SBNO1: variants seen among roughly 807,000 people sequenced by gnomAD.
SBNO1 encodes strawberry notch homolog 1.
In SBNO1, 23 loss-of-function variants were observed where a neutral mutation model predicts 173.6. That is an observed-to-expected ratio of 0.13 (90% CI 0.10 to 0.19). SBNO1 has a LOEUF of 0.19. Among genes scored for constraint, SBNO1 ranks in the 10% least tolerant of loss-of-function variants. The probability of loss-of-function intolerance (pLI) is 1.00; values close to 1 mark genes in which losing one functional copy is unlikely to be tolerated. For missense variants in SBNO1, 1,238 were observed against 1,671.2 expected, an observed-to-expected ratio of 0.74 and a Z score of 4.52; for synonymous variants, 632 against 571.5, an observed-to-expected ratio of 1.11 and a Z score of -1.51.
intron 1 of SBNO1, among the ~76,000 whole-genome samples, chr12:123,362,481 G>C (rs1293079379): frequency 6.8e-6 from 1 of 146,256 alleles, no homozygotes; most frequent in Non-Finnish European, 1.5e-5. Flanking sequence ...ATTCTGACGG[G>C]GGGGCCAAGG....
chr12:123,293,692 C>A lies in SBNO1; in HGVS notation c.*2216G>T, dbSNP rs2048543667. ...ATCAAGATGGCTAGTCCAGAGCAAA[C>A]ATTACATCATAGGCCATGGGGGTTG... On this transcript the variant is annotated 3_prime_UTR_variant, in exon 32 of 32. Transcript: ENST00000602398. 1 of 152,178 alleles carries A rather than the reference C, an allele frequency of 6.6e-6. No homozygotes were observed. Among genetic ancestry groups the A allele is most frequent in the Admixed American group, 6.5e-5 (1 of 15,278 alleles). The allele number at this position is 152,178 out of a possible 1,614,324, so 9.4% of individuals were successfully genotyped here.
chr12:123,350,517 A>G, intron 1 of SBNO1, 76 bp from the exon 2 acceptor site: 1 of 1,143,312 alleles, frequency 8.7e-7, no homozygotes, highest in East Asian at 2.3e-5. Context: ...AATATAAACA[A>G]TCCAACAATC....
In SBNO1 at chr12:123,311,222, G is replaced by A. The variant is rs1010398920; in HGVS notation, c.3221-93C>T. 6.6e-6 allele frequency: 6 copies of A among 903,542 alleles called. No individual in the cohort carries two copies. In the Admixed American group the frequency reaches 8.2e-5, roughly 12 times the overall value. The allele number at this position is 903,542 out of a possible 1,614,324, so 56.0% of individuals were successfully genotyped here. On this transcript the variant is annotated intron_variant, in intron 24 of 31. Transcript: ENST00000602398. ...AAAAGTATGTTGTAAGTAGTATCAT[G>A]CCATTTTAAAAAAACACCTTGATAT... is the stretch of plus-strand genomic sequence containing the variant.
chr12:123,336,618 T>C (rs578180534), intron 5 of SBNO1, 127 bp from the exon 6 acceptor site: 1 of 620,656 alleles, frequency 1.6e-6, no homozygotes, highest in African/African-American at 1.9e-5. Context: ...GCCACCTCAA[T>C]ACTCCCTAAA....
At chr12:123,352,791 C>CA (rs1432420538) in intron 1 of SBNO1, among the ~76,000 whole-genome samples, 1 of 152,018 alleles carries the variant, frequency 6.6e-6, no homozygotes, top group Admixed American at 6.6e-5. Flanking sequence ...GGAGGAAAAA[C>CA]AGACACCCCA....
chr12:123,364,148 A>G (rs1447584045), intron 1 of SBNO1: 34 of 985,282 alleles, frequency 3.5e-5, no homozygotes, highest in Non-Finnish European at 4.1e-5. Flanking sequence ...CGGCTTCCCC[A>G]CCGCCCCAAG....
chr12:123,311,745 T>C (rs913923640), intron 24 of SBNO1, among the ~76,000 whole-genome samples: 2 of 142,796 alleles, frequency 1.4e-5, no homozygotes, highest in African/African-American at 5.1e-5. Flanking sequence ...TATATATATA[T>C]ATATTTTTGC....
chr12:123,329,031 G>C (rs1266148754), intron 9 of SBNO1, 136 bp from the exon 10 acceptor site: 1 of 532,950 alleles, frequency 1.9e-6, no homozygotes, highest in Non-Finnish European at 3.2e-6. Flanking sequence ...GTACAGAGAC[G>C]CAAATTTATT....
chr12:123,344,212 T>C (rs1872857831), intron 4 of SBNO1, among the ~76,000 whole-genome samples: 1 of 152,308 alleles, frequency 6.6e-6, no homozygotes, highest in East Asian at 1.9e-4. Flanking sequence ...TTGCGAGTGA[T>C]TCCAGAAACT....
At position 123,345,124 on chromosome 12, in the gene SBNO1, T is replaced by C. The variant is rs1872972703; in HGVS notation, c.550+134A>G. On this transcript the variant is annotated intron_variant, in intron 4 of 31. Transcript: ENST00000602398. ...GCTTCCCTTGAATTGTGTTAAAGACTGTAAGTACGCAAAATAATGCATATA... is the reference window on the plus strand; with the variant it reads ...GCTTCCCTTGAATTGTGTTAAAGACCGTAAGTACGCAAAATAATGCATATA... The C allele has an allele frequency of 4.1e-6, 3 of 727,740 alleles. No homozygotes were observed. The African/African-American group carries it at 5.3e-5, about 13-fold the overall frequency. 45.1% of individuals were successfully genotyped at this position (727,740 alleles called of 1,614,324 possible). A position where few individuals can be genotyped will look rare whatever the true frequency, so the allele number is the denominator to read the frequency against.
chr12:123,344,047 G>A (rs562767019), intron 4 of SBNO1, among the ~76,000 whole-genome samples: 1 of 152,094 alleles, frequency 6.6e-6, no homozygotes, highest in Admixed American at 6.6e-5. Flanking sequence ...CCCTCACAAT[G>A]GCATACATCC....
chr12:123,351,422 G>C (rs1873867125), intron 1 of SBNO1, among the ~76,000 whole-genome samples: 2 of 152,150 alleles, frequency 1.3e-5, no homozygotes, highest in African/African-American at 2.4e-5. Context: ...GTTAGCTTGA[G>C]GCCAGCAGTT....
chr12:123,348,165 A>G, intron 2 of SBNO1, 32 bp from the exon 3 acceptor site: 1 of 1,003,264 alleles, frequency 1.0e-6, no homozygotes, highest in Non-Finnish European at 1.4e-6. Flanking sequence ...ACAAAAAATA[A>G]AAGGACAGCA....
At position 123,325,534 on chromosome 12, in the gene SBNO1, C is replaced by T. The variant is rs1477049999; in HGVS notation, c.1941G>A (p.Gly647=). ...TTGAAACAAAATCATTCAATTCTCC[C>T]CCGCCCTCTTCCAAAGCTTCTAATG... ...ARTLEALEEG[G]GELNDFVSTA... The change falls in exon 15 of 32, where the codon GGG becomes GGA. Residue 647 remains glycine (G), a synonymous_variant. Transcript: ENST00000602398. 1.2e-6 allele frequency: 2 copies of T among 1,613,140 alleles called. No individual in the cohort carries two copies. Among genetic ancestry groups the T allele is most frequent in the Non-Finnish European group, 1.7e-6 (2 of 1,179,372 alleles).
At chr12:123,302,598 A>T (rs1297395586) in intron 30 of SBNO1, among the ~76,000 whole-genome samples, 1 of 152,196 alleles carries the variant, frequency 6.6e-6, no homozygotes, top group Non-Finnish European at 1.5e-5. Flanking sequence ...GCTGCCAGAC[A>T]ACAGTTGGCT....
At position 123,290,617 on chromosome 12, in the gene SBNO1, C is replaced by A. The variant is rs965898972; in HGVS notation, c.*5291G>T. ...GAGAGCACAGCCGTTCAGGGTACCC[C>A]AGGGACCAGTGCTGCAATGGGAATC... On this transcript the variant is annotated 3_prime_UTR_variant, in exon 32 of 32. Coordinates refer to ENST00000602398, the MANE Select transcript of SBNO1 (RefSeq NM_001167856.3). 6.6e-6 allele frequency: 1 copy of A among 152,238 alleles called. No homozygotes were observed. The highest frequency in any genetic ancestry group is 1.5e-5 in the Non-Finnish European group (1 of 68,080). 9.4% of individuals were successfully genotyped at this position (152,238 alleles called of 1,614,324 possible).
At chr12:123,310,322 C>A (rs4759419) in intron 25 of SBNO1, among the ~76,000 whole-genome samples, 7,109 of 152,190 alleles carry the variant, frequency 0.047, 297 homozygotes, top group East Asian at 0.25. Flanking sequence ...CAACCTCCCC[C>A]TGCCAGATTC....
At chr12:123,317,450 TCC>T in intron 20 of SBNO1, 94 bp from the exon 21 acceptor site, 1 of 1,059,836 alleles carries the variant, frequency 9.4e-7, no homozygotes, top group South Asian at 1.4e-5. Flanking sequence ...GCCTATTCTC[TCC>T]TTCTTTCTCA....
At chr12:123,317,968 T>C (rs971094074) in intron 20 of SBNO1, among the ~76,000 whole-genome samples, 3 of 152,172 alleles carry the variant, frequency 2.0e-5, no homozygotes, top group African/African-American at 7.2e-5. Flanking sequence ...TTTTTGTATA[T>C]ATATATTTTT....
Sources: gnomAD v4.1 joint callset for allele counts (sites outside exome capture counted in the v4.1 genomes callset) on GRCh38, gnomAD v4.1.1 for gene constraint, MANE v1.5 for transcripts, NCBI Gene and HGNC (gene_info 2026-07-23, HGNC 2026-07-21) for gene names.